The following LPP variants were observed in gnomAD, a reference collection of about 807,000 sequenced individuals.
The protein encoded by LPP is lipoma-preferred partner.
In LPP, 38 loss-of-function variants were observed where a neutral mutation model predicts 60.4. That is an observed-to-expected ratio of 0.63 (90% CI 0.49 to 0.83). The LOEUF is 0.83. Among genes scored for constraint, LPP ranks in the 40% least tolerant of loss-of-function variants. The pLI, the probability that LPP is intolerant of heterozygous loss-of-function variation, is 0.00. For synonymous variants in LPP, 328 were observed against 290.8 expected, an observed-to-expected ratio of 1.13 and a Z score of -1.30; for missense variants, 902 against 783.6, an observed-to-expected ratio of 1.15 and a Z score of -1.80.
intron 6 of LPP, among the ~76,000 whole-genome samples, chr3:188,597,677 G>C (rs1840252417): frequency 1.3e-5 from 2 of 152,126 alleles, no homozygotes; most frequent in Non-Finnish European, 2.9e-5. Flanking sequence ...GCACAAAACT[G>C]ATGGGGGATG....
chr3:188,216,114 A>G (rs1577338550), intron 1 of LPP, among the ~76,000 whole-genome samples: 2 of 152,192 alleles, frequency 1.3e-5, no homozygotes, highest in South Asian at 2.1e-4. Flanking sequence ...AACTATTAGC[A>G]TCTTTTGTCA....
At position 188,497,022 on chromosome 3, in the gene LPP, A is replaced by T. The variant is rs74920764; in HGVS notation, c.306+12318A>T. Among the ~76,000 whole-genome samples, 456 of 140,398 alleles carry T rather than the reference A, an allele frequency of 3.2e-3. 6 individuals are homozygous for T. The highest frequency in any genetic ancestry group is 0.02 in the South Asian group (87 of 4,384). The allele number at this position is 140,398 out of a possible 152,430, so 92.1% of individuals were successfully genotyped here. On this transcript the variant is annotated intron_variant, in intron 5 of 11. Transcript: ENST00000617246. The stretch of plus-strand genomic sequence containing the variant: ...AAGTTTCTGTGGCATTTTTTTTTTT[A>T]AGGAATACAGGATTGATACAAGAAT...
At chr3:188,543,502 G>A (rs1825757250) in intron 6 of LPP, among the ~76,000 whole-genome samples, 1 of 152,180 alleles carries the variant, frequency 6.6e-6, no homozygotes, top group Admixed American at 6.5e-5. Flanking sequence ...AGAACGATCA[G>A]CTTCCTTGCT....
intron 9 of LPP, among the ~76,000 whole-genome samples, chr3:188,795,475 A>G (rs1745054295): frequency 6.6e-6 from 1 of 152,200 alleles, no homozygotes; most frequent in African/African-American, 2.4e-5. Context: ...TAAAATTAGA[A>G]GAGAGTATTA....
intron 2 of LPP, among the ~76,000 whole-genome samples, chr3:188,277,885 A>G (rs972177425): frequency 1.3e-5 from 2 of 152,164 alleles, no homozygotes; most frequent in African/African-American, 4.8e-5. Flanking sequence ...CATTCGCCCT[A>G]AACTAGCTGT....
At chr3:188,566,952 A>G (rs1363037272) in intron 6 of LPP, among the ~76,000 whole-genome samples, 1 of 151,926 alleles carries the variant, frequency 6.6e-6, no homozygotes, top group East Asian at 1.9e-4. Context: ...AAATGAGTGC[A>G]AATTGGTCTG....
chr3:188,706,046 A>G (rs1392849272), intron 7 of LPP, among the ~76,000 whole-genome samples: 2 of 152,252 alleles, frequency 1.3e-5, no homozygotes, highest in African/African-American at 4.8e-5. Flanking sequence ...TACACAAAAT[A>G]AACCCTGTAA....
intron 1 of LPP, among the ~76,000 whole-genome samples, chr3:188,183,836 G>C (rs926592979): frequency 3.2e-4 from 49 of 152,102 alleles, no homozygotes; most frequent in Non-Finnish European, 8.8e-5. Context: ...TAAAGTCCAT[G>C]ACCTTAATTG....
intron 7 of LPP, among the ~76,000 whole-genome samples, chr3:188,671,348 T>A (rs1200684478): frequency 6.6e-6 from 1 of 152,210 alleles, no homozygotes; most frequent in Non-Finnish European, 1.5e-5. Context: ...CCCTTTGCAA[T>A]CAAGTTAAAG....
chr3:188,226,246 TA>T (rs1717706319), intron 2 of LPP, among the ~76,000 whole-genome samples: 1 of 152,200 alleles, frequency 6.6e-6, no homozygotes, highest in African/African-American at 2.4e-5. Flanking sequence ...TGACCTCAGG[TA>T]ATCCACCCGC....
chr3:188,507,240 G>A (rs895933353), intron 5 of LPP, among the ~76,000 whole-genome samples: 2 of 152,154 alleles, frequency 1.3e-5, no homozygotes, highest in Non-Finnish European at 2.9e-5. Flanking sequence ...CCCTTTTGAT[G>A]CTTTTGGGGT....
intron 7 of LPP, among the ~76,000 whole-genome samples, chr3:188,611,708 A>C (rs1340249361): frequency 6.6e-6 from 1 of 152,220 alleles, no homozygotes; most frequent in Admixed American, 6.5e-5. Flanking sequence ...CCACATAGGA[A>C]CCAGACATGA....
chr3:188,570,171 C>A (rs187499399), intron 6 of LPP, among the ~76,000 whole-genome samples: 22 of 152,084 alleles, frequency 1.4e-4, no homozygotes, highest in Admixed American at 1.2e-3. Flanking sequence ...AAGTGACAGG[C>A]CTTGTGGCAG....
chr3:188,578,798 A>G (rs1835379104), intron 6 of LPP, among the ~76,000 whole-genome samples: 2 of 152,124 alleles, frequency 1.3e-5, no homozygotes, highest in African/African-American at 4.8e-5. Context: ...GCTATTACAC[A>G]CAACACATTG....
chr3:188,520,764 G>A (rs1818653668), intron 5 of LPP, among the ~76,000 whole-genome samples: 1 of 152,156 alleles, frequency 6.6e-6, no homozygotes, highest in Admixed American at 6.5e-5. Context: ...TGTGGGGATT[G>A]TTATAATTAC....
At chr3:188,357,543 G>A (rs1216688600) in intron 3 of LPP, among the ~76,000 whole-genome samples, 3 of 152,096 alleles carry the variant, frequency 2.0e-5, no homozygotes. Context: ...CAGCCACTGG[G>A]GATGCACCCG....
chr3:188,545,273 A>T (rs895128850), intron 6 of LPP, among the ~76,000 whole-genome samples: 2 of 59,546 alleles, frequency 3.4e-5, no homozygotes, highest in African/African-American at 7.4e-5. Context: ...AAAACATTAA[A>T]AAAAAAAAAG....
rs140962277 is a variant in LPP, at chr3:188,502,228, A to C, written c.306+17524A>C. ...GTTGGACGTTGAAATCTCTATTATT[A>C]TACAACTGTCTATTTCTTCCTTCAA... is the stretch of plus-strand genomic sequence containing the variant. On this transcript the variant is annotated intron_variant, in intron 5 of 11. Transcript: ENST00000617246. Among the ~76,000 whole-genome samples the C allele has an allele frequency of 2.5e-3, 382 of 152,272 alleles. 2 individuals carry two copies. Among genetic ancestry groups the C allele is most frequent in the African/African-American group, 8.7e-3 (362 of 41,574 alleles).
intron 9 of LPP, among the ~76,000 whole-genome samples, 153 bp downstream of exon 9, chr3:188,760,435 TGC>T (rs1553836310): frequency 2.6e-5 from 4 of 151,080 alleles, no homozygotes; most frequent in African/African-American, 9.8e-5. Context: ...TGTGTGTGTG[TGC>T]GTGCGCGCAT....
Sources: gnomAD v4.1 joint callset for allele counts (sites outside exome capture counted in the v4.1 genomes callset) on GRCh38, gnomAD v4.1.1 for gene constraint, MANE v1.5 for transcripts, NCBI Gene and HGNC (gene_info 2026-07-23, HGNC 2026-07-21) for gene names.